FAM133B: variants seen among roughly 807,000 people sequenced by gnomAD.
FAM133B encodes family with sequence similarity 133 member B.
Under a neutral mutation model 46.4 loss-of-function variants are expected in FAM133B, and 25 were observed. The observed-to-expected ratio is 0.54, with a 90% CI of 0.39 to 0.75. FAM133B has a LOEUF of 0.75. FAM133B is among the 30% of genes least tolerant of loss of function. The pLI, the probability that FAM133B is intolerant of heterozygous loss-of-function variation, is 0.00. For synonymous variants in FAM133B, 75 were observed against 86.0 expected (o/e 0.87, Z 0.71); for missense variants, 205 against 277.6 (o/e 0.74, Z 1.86).
chr7:92,563,913 G>A (rs1025024340), intron 10 of FAM133B, among the ~76,000 whole-genome samples: 1 of 152,110 alleles, frequency 6.6e-6, no homozygotes, highest in African/African-American at 2.4e-5. Flanking sequence ...TACTATCACT[G>A]CTGTACAAAC....
chr7:92,565,684 C>T (rs934726932), intron 10 of FAM133B: 30 of 218,814 alleles, frequency 1.4e-4, no homozygotes, highest in Admixed American at 8.9e-4. Context: ...AGGATGGTCT[C>T]GAGCTCCTGA....
intron 9 of FAM133B, among the ~76,000 whole-genome samples, chr7:92,567,857 C>A (rs956929215): frequency 6.6e-6 from 1 of 150,768 alleles, no homozygotes; most frequent in South Asian, 2.1e-4. Flanking sequence ...TCTGCCTTTC[C>A]GGTTCAAGCG....
chr7:92,575,965 G>C (rs1017258478), intron 7 of FAM133B, 144 bp from the exon 8 acceptor site: 5 of 398,608 alleles, frequency 1.3e-5, no homozygotes, highest in Non-Finnish European at 2.4e-5. Flanking sequence ...AAATTTAAGA[G>C]AAATATAAGT....
chr7:92,568,141 G>T (rs74665361), intron 9 of FAM133B, among the ~76,000 whole-genome samples: 2,333 of 151,890 alleles, frequency 0.015, 64 homozygotes, highest in African/African-American at 0.054. Flanking sequence ...CAAGCTGGTC[G>T]TAACTCCTGG....
chr7:92,579,142 A>G, intron 3 of FAM133B, 175 bp downstream of exon 3: 1 of 573,280 alleles, frequency 1.7e-6, no homozygotes, highest in East Asian at 3.3e-5. Flanking sequence ...TACTTAAGGT[A>G]TTTTCTTTTT....
At chr7:92,576,645 C>T (rs1164972497) in intron 7 of FAM133B, among the ~76,000 whole-genome samples, 2 of 152,170 alleles carry the variant, frequency 1.3e-5, no homozygotes, top group African/African-American at 2.4e-5. Flanking sequence ...GGAATCAACA[C>T]TTTTTTCCGA....
intron 1 of FAM133B, among the ~76,000 whole-genome samples, chr7:92,586,138 A>G (rs778064138): frequency 2.6e-5 from 4 of 152,218 alleles, no homozygotes; most frequent in Non-Finnish European, 5.9e-5. Context: ...GTATATTCAC[A>G]TGCTAGGACT....
rs1314926041 is a variant in FAM133B, at chr7:92,561,202, CG to C, written c.*1079del. On this transcript the variant is annotated 3_prime_UTR_variant, in exon 11 of 11. Coordinates refer to ENST00000445716, the MANE Select transcript of FAM133B (RefSeq NM_152789.4). Reference sequence around the variant, plus strand: ...GTAAGTCTCAGCTTCAATATGAAGCCGTTTTTTTTTTTTAATCAAAACCCTG... The same window carrying C: ...GTAAGTCTCAGCTTCAATATGAAGCCTTTTTTTTTTTTAATCAAAACCCTG... The C allele has an allele frequency of 1.4e-5, 2 of 141,730 alleles. No homozygotes were observed. The highest frequency in any genetic ancestry group is 3.0e-5 in the Non-Finnish European group (2 of 65,858). 8.8% of individuals were successfully genotyped at this position (141,730 alleles called of 1,614,324 possible).
At chr7:92,567,852 C>A (rs1794406569) in intron 9 of FAM133B, among the ~76,000 whole-genome samples, 1 of 150,492 alleles carries the variant, frequency 6.6e-6, no homozygotes, top group Admixed American at 6.6e-5. Context: ...CAGCCTCTGC[C>A]TTTCCGGTTC....
chr7:92,565,276 G>A (rs1436083499), intron 10 of FAM133B, among the ~76,000 whole-genome samples: 2 of 149,928 alleles, frequency 1.3e-5, no homozygotes, highest in African/African-American at 4.9e-5. Flanking sequence ...TCAGCCTCCC[G>A]AATAGCTGGA....
intron 2 of FAM133B, among the ~76,000 whole-genome samples, chr7:92,579,935 G>A (rs191819997): frequency 6.6e-6 from 1 of 152,192 alleles, no homozygotes; most frequent in East Asian, 1.9e-4. Context: ...ATACTTAAAA[G>A]ACTGGCCCTA....
chr7:92,587,269 C>T (rs1467697785), intron 1 of FAM133B, among the ~76,000 whole-genome samples: 1 of 152,148 alleles, frequency 6.6e-6, no homozygotes, highest in East Asian at 1.9e-4. Flanking sequence ...GTTTTTGAGA[C>T]AATCTCAAAA....
chr7:92,579,976 A>T (rs1794818773), intron 2 of FAM133B, among the ~76,000 whole-genome samples: 1 of 152,218 alleles, frequency 6.6e-6, no homozygotes, highest in African/African-American at 2.4e-5. Context: ...AATTCGGAGG[A>T]TTCTTACTAT....
At chr7:92,577,982 T>C (rs1053373725) in intron 5 of FAM133B, 168 bp downstream of exon 5, 2 of 699,712 alleles carry the variant, frequency 2.9e-6, no homozygotes, top group Non-Finnish European at 4.8e-6. Flanking sequence ...GCACCGTTTT[T>C]TATGTCAGTG....
intron 1 of FAM133B, among the ~76,000 whole-genome samples, chr7:92,587,434 TATG>T (rs899903354): frequency 3.3e-5 from 5 of 152,116 alleles, no homozygotes; most frequent in Admixed American, 3.3e-4. Flanking sequence ...TTTTACTCTT[TATG>T]ATACTATATT....
At chr7:92,577,442 G>T in intron 6 of FAM133B, 2 of 443,618 alleles carry the variant, frequency 4.5e-6, no homozygotes, top group Non-Finnish European at 7.8e-6. Flanking sequence ...ATATTTTTAG[G>T]TCAACAAAAC....
intron 1 of FAM133B, among the ~76,000 whole-genome samples, chr7:92,587,071 C>T (rs1044766651): frequency 6.6e-6 from 1 of 152,008 alleles, no homozygotes; most frequent in African/African-American, 2.4e-5. Flanking sequence ...GGTAGAGCTG[C>T]ACAAGTGTGG....
At chr7:92,572,611 C>A (rs893302077) in intron 8 of FAM133B, among the ~76,000 whole-genome samples, 2 of 152,080 alleles carry the variant, frequency 1.3e-5, no homozygotes, top group Admixed American at 6.6e-5. Context: ...CCCAGCTATT[C>A]AGGAGGCTGA....
chr7:92,569,597 A>T, intron 9 of FAM133B: 1 of 271,960 alleles, frequency 3.7e-6, no homozygotes, highest in South Asian at 1.1e-4. Context: ...AAAATATCTC[A>T]GATTAGAAAG....
Sources: allele counts gnomAD v4.1 joint callset (sites outside exome capture counted in the v4.1 genomes callset), GRCh38; gene constraint gnomAD v4.1.1; transcripts MANE v1.5; gene names NCBI Gene and HGNC (gene_info 2026-07-23, HGNC 2026-07-21).